The following LARGE1 variants were observed in gnomAD, a reference collection of about 807,000 sequenced individuals.
LARGE1 encodes the protein xylosyl- and glucuronyltransferase LARGE1.
A neutral mutation model predicts 87.6 loss-of-function variants in LARGE1; 43 were observed. The ratio of observed to expected loss-of-function variants is 0.49; its 90% CI spans 0.38 to 0.63. The LOEUF (loss-of-function observed/expected upper bound fraction) is 0.63. LARGE1 is among the 30% of genes least tolerant of loss of function. LARGE1 has a pLI of 0.00. For synonymous variants in LARGE1, 434 were observed against 394.6 expected (o/e 1.10, Z -1.18); for missense variants, 802 against 1,000.2 (o/e 0.80, Z 2.67).
At chr22:33,676,703 C>T (rs1297456614) in intron 2 of LARGE1, among the ~76,000 whole-genome samples, 4 of 152,066 alleles carry the variant, frequency 2.6e-5, no homozygotes, top group Non-Finnish European at 5.9e-5. Flanking sequence ...GCAAACTTTT[C>T]CTACAAAGGT....
chr22:33,489,195 T>C (rs974938623), intron 6 of LARGE1, among the ~76,000 whole-genome samples: 1 of 152,186 alleles, frequency 6.6e-6, no homozygotes, highest in African/African-American at 2.4e-5. Flanking sequence ...AGCAGAAAAG[T>C]AAATATTTAA....
intron 10 of LARGE1, among the ~76,000 whole-genome samples, chr22:33,334,611 A>G (rs573279853): frequency 6.6e-6 from 1 of 152,150 alleles, no homozygotes; most frequent in Non-Finnish European, 1.5e-5. Flanking sequence ...GTGAGCCCAG[A>G]ATGTAGAAAG....
intron 1 of LARGE1, among the ~76,000 whole-genome samples, chr22:33,851,225 C>T (rs2063574193): frequency 6.6e-6 from 1 of 152,222 alleles, no homozygotes; most frequent in Non-Finnish European, 1.5e-5. Flanking sequence ...GTTAACAGCT[C>T]ATATGCAGTA....
chr22:33,483,323 C>G (rs1235073037), intron 6 of LARGE1, among the ~76,000 whole-genome samples: 1 of 152,166 alleles, frequency 6.6e-6, no homozygotes, highest in Non-Finnish European at 1.5e-5. Flanking sequence ...CAGAGCCACT[C>G]TGGAGATCCA....
chr22:33,203,101 C>CTG (rs1324075899), intron 11 of LARGE1, among the ~76,000 whole-genome samples: 12 of 108,538 alleles, frequency 1.1e-4, no homozygotes, highest in Non-Finnish European at 2.0e-4. Context: ...CTCTCTCTCT[C>CTG]TGTGTGTGTG....
chr22:33,488,168 G>C (rs1043712125), intron 6 of LARGE1, among the ~76,000 whole-genome samples: 1 of 152,202 alleles, frequency 6.6e-6, no homozygotes, highest in Non-Finnish European at 1.5e-5. Context: ...GTAGCCACTA[G>C]CCACATGTGG....
At chr22:33,774,578 G>C (rs576103145) in intron 1 of LARGE1, among the ~76,000 whole-genome samples, 15,290 of 152,116 alleles carry the variant, frequency 0.1, 905 homozygotes, top group South Asian at 0.25. Flanking sequence ...GGCTGGTCTC[G>C]AACTCCTGAC....
At chr22:33,252,251 T>TTTC (rs1927041347) in intron 11 of LARGE1, among the ~76,000 whole-genome samples, 1 of 111,522 alleles carries the variant, frequency 9.0e-6, no homozygotes, top group East Asian at 2.9e-4. Flanking sequence ...ATTCCTTCAT[T>TTTC]CCCCCCCCCC....
intron 1 of LARGE1, among the ~76,000 whole-genome samples, chr22:33,772,805 G>A (rs1183916053): frequency 6.6e-6 from 1 of 151,984 alleles, no homozygotes; most frequent in Non-Finnish European, 1.5e-5. Context: ...TTATATTCAA[G>A]GTATATCCAG....
At chr22:33,201,535 T>C (rs375735800) in intron 11 of LARGE1, among the ~76,000 whole-genome samples, 4 of 152,262 alleles carry the variant, frequency 2.6e-5, no homozygotes, top group African/African-American at 7.2e-5. Flanking sequence ...GTGGTCACAA[T>C]TATTTTCACT....
intron 7 of LARGE1, among the ~76,000 whole-genome samples, chr22:33,399,625 T>C (rs529408158): frequency 6.6e-6 from 1 of 152,274 alleles, no homozygotes; most frequent in South Asian, 2.1e-4. Flanking sequence ...CTCGGCTCAC[T>C]GCAAGCTCCA....
At chr22:33,397,137 T>A (rs913672256) in intron 7 of LARGE1, among the ~76,000 whole-genome samples, 1 of 152,014 alleles carries the variant, frequency 6.6e-6, no homozygotes, top group Non-Finnish European at 1.5e-5. Flanking sequence ...TTTTTTGAGA[T>A]GGAGTTTCGC....
At chr22:33,741,980 AC>A (rs1326787394) in intron 2 of LARGE1, among the ~76,000 whole-genome samples, 2 of 152,290 alleles carry the variant, frequency 1.3e-5, no homozygotes, top group African/African-American at 4.8e-5. Context: ...ATGAGAACGT[AC>A]CAGTTGTCAC....
At chr22:33,067,096 C>A in the LARGE1 span, among the ~76,000 whole-genome samples, 2 of 151,894 alleles carry the variant, frequency 1.3e-5, no homozygotes, top group Admixed American at 1.3e-4. Context: ...GAGAGGGGCT[C>A]CCTTTCCTGG....
At chr22:33,330,875 C>T (rs1937617434) in intron 10 of LARGE1, among the ~76,000 whole-genome samples, 1 of 152,152 alleles carries the variant, frequency 6.6e-6, no homozygotes, top group Admixed American at 6.5e-5. Flanking sequence ...GCAAGGCAAA[C>T]CAAATAGCCT....
At chr22:33,455,713 C>T (rs907831636) in intron 6 of LARGE1, among the ~76,000 whole-genome samples, 1 of 140,900 alleles carries the variant, frequency 7.1e-6, no homozygotes, top group Non-Finnish European at 1.5e-5. Flanking sequence ...GAGATCATGC[C>T]ACTGCACTCC....
intron 2 of LARGE1, among the ~76,000 whole-genome samples, chr22:33,684,003 TC>T (rs2081866800): frequency 6.6e-6 from 1 of 152,008 alleles, no homozygotes. Flanking sequence ...TGGAAGACTG[TC>T]CTTTGGCATG....
At chr22:33,809,956 T>C (rs976592100) in intron 1 of LARGE1, among the ~76,000 whole-genome samples, 2 of 151,948 alleles carry the variant, frequency 1.3e-5, no homozygotes, top group Non-Finnish European at 2.9e-5. Context: ...TGCAGTTCAG[T>C]TCCTCAGTGG....
At chr22:33,639,049 T>A (rs1396441098) in intron 3 of LARGE1, among the ~76,000 whole-genome samples, 1 of 152,216 alleles carries the variant, frequency 6.6e-6, no homozygotes, top group East Asian at 1.9e-4. Flanking sequence ...GAATCCACTA[T>A]CAGCAGATGT....
Sources: allele counts gnomAD v4.1 joint callset (sites outside exome capture counted in the v4.1 genomes callset), GRCh38; gene constraint gnomAD v4.1.1; transcripts MANE v1.5; gene names NCBI Gene and HGNC (gene_info 2026-07-23, HGNC 2026-07-21).